The following ZBTB20 variants were observed in gnomAD, a reference collection of about 807,000 sequenced individuals.
The protein encoded by ZBTB20 is zinc finger and BTB domain containing 20.
A neutral mutation model predicts 56.9 loss-of-function variants in ZBTB20; 9 were observed. The ratio of observed to expected loss-of-function variants is 0.16; its 90% CI spans 0.10 to 0.28. The LOEUF is 0.28. Ranked by LOEUF, ZBTB20 falls within the 10% of genes least tolerant of loss-of-function variation. The probability of loss-of-function intolerance (pLI) is 1.00; values close to 1 mark genes in which losing one functional copy is unlikely to be tolerated. For synonymous variants in ZBTB20, 417 were observed against 420.7 expected, an observed-to-expected ratio of 0.99 and a Z score of 0.11; for missense variants, 655 against 1,003.0, an observed-to-expected ratio of 0.65 and a Z score of 4.69.
intron 7 of ZBTB20, among the ~76,000 whole-genome samples, chr3:114,479,766 C>T (rs1158656569): frequency 6.6e-6 from 1 of 152,188 alleles, no homozygotes; most frequent in Admixed American, 6.5e-5. Flanking sequence ...GCATACAGGT[C>T]ATAATGGCAG....
intron 6 of ZBTB20, among the ~76,000 whole-genome samples, chr3:114,609,788 A>C (rs1336083737): frequency 3.9e-5 from 6 of 152,206 alleles, no homozygotes; most frequent in Non-Finnish European, 1.5e-5. Flanking sequence ...CCAGGATCAG[A>C]CAGCATCAGG....
At chr3:115,046,694 T>C (rs1347450880) in intron 2 of ZBTB20, among the ~76,000 whole-genome samples, 1 of 152,216 alleles carries the variant, frequency 6.6e-6, no homozygotes, top group African/African-American at 2.4e-5. Flanking sequence ...ATGTAGGTTA[T>C]GAAATAACTT....
At chr3:114,963,863 C>T (rs779490156) in intron 3 of ZBTB20, among the ~76,000 whole-genome samples, 27 of 152,184 alleles carry the variant, frequency 1.8e-4, no homozygotes, top group Admixed American at 6.5e-4. Flanking sequence ...AAACAAACAC[C>T]TTGGCCTCAA....
chr3:114,489,326 G>C (rs2042478553), intron 7 of ZBTB20, among the ~76,000 whole-genome samples: 1 of 152,100 alleles, frequency 6.6e-6, no homozygotes, highest in African/African-American at 2.4e-5. Flanking sequence ...TTTCCCCCAA[G>C]TTTGACACTT....
At chr3:114,518,151 G>A (rs2046233167) in intron 6 of ZBTB20, among the ~76,000 whole-genome samples, 1 of 152,126 alleles carries the variant, frequency 6.6e-6, no homozygotes, top group Admixed American at 6.5e-5. Flanking sequence ...TTTAGGGCTG[G>A]GGTATGGGTA....
At chr3:114,946,692 C>T (rs911998613) in intron 3 of ZBTB20, among the ~76,000 whole-genome samples, 4 of 145,462 alleles carry the variant, frequency 2.7e-5, no homozygotes, top group Non-Finnish European at 5.9e-5. Context: ...CATAGTACTA[C>T]GTCTTTTAAA....
intron 6 of ZBTB20, among the ~76,000 whole-genome samples, chr3:114,574,070 T>C (rs1170266500): frequency 6.6e-6 from 1 of 152,194 alleles, no homozygotes; most frequent in Non-Finnish European, 1.5e-5. Context: ...TTAGTTGTGT[T>C]ATTTTATAAA....
At chr3:114,686,452 A>G (rs562693501) in intron 6 of ZBTB20, among the ~76,000 whole-genome samples, 2 of 152,246 alleles carry the variant, frequency 1.3e-5, no homozygotes, top group East Asian at 3.9e-4. Flanking sequence ...CTTCAATCCA[A>G]TGCTTTTGTG....
intron 4 of ZBTB20, among the ~76,000 whole-genome samples, chr3:114,844,576 T>C (rs1392825932): frequency 8.0e-6 from 1 of 124,752 alleles, no homozygotes; most frequent in East Asian, 2.2e-4. Flanking sequence ...TGTGTAAACA[T>C]GTAGGCATGA....
intron 3 of ZBTB20, among the ~76,000 whole-genome samples, chr3:114,909,255 T>C (rs1354900803): frequency 6.6e-6 from 1 of 151,872 alleles, no homozygotes; most frequent in Non-Finnish European, 1.5e-5. Context: ...TGTTAGTTTT[T>C]AGCAAAGTTT....
At chr3:114,553,502 C>T (rs2050822120) in intron 6 of ZBTB20, among the ~76,000 whole-genome samples, 2 of 152,070 alleles carry the variant, frequency 1.3e-5, no homozygotes, top group Admixed American at 1.3e-4. Flanking sequence ...CTTTCCTTTT[C>T]TGATGCTATA....
chr3:115,037,337 T>C (rs534822598), intron 2 of ZBTB20, among the ~76,000 whole-genome samples: 6 of 152,026 alleles, frequency 3.9e-5, no homozygotes, highest in African/African-American at 1.2e-4. Context: ...CAAGCTAGAG[T>C]GCAGTGGTGC....
intron 5 of ZBTB20, among the ~76,000 whole-genome samples, chr3:114,739,733 G>T (rs2066440503): frequency 6.6e-6 from 1 of 152,212 alleles, no homozygotes; most frequent in Non-Finnish European, 1.5e-5. Flanking sequence ...TGTAGGAACT[G>T]ATATACAGTG....
intron 8 of ZBTB20, among the ~76,000 whole-genome samples, chr3:114,381,220 C>T (rs1004209264): frequency 6.6e-6 from 1 of 152,172 alleles, no homozygotes; most frequent in Non-Finnish European, 1.5e-5. Context: ...TACTCCAACT[C>T]TTTACTCATC....
chr3:114,752,906 A>G (rs2067676347), intron 5 of ZBTB20, among the ~76,000 whole-genome samples: 3 of 152,142 alleles, frequency 2.0e-5, no homozygotes, highest in Non-Finnish European at 2.9e-5. Flanking sequence ...ACTCAGTTCA[A>G]TGAAAAAACC....
rs1375496067 is a variant in ZBTB20, at chr3:115,032,730, T to C, written c.-507+38489A>G. On this transcript the variant is annotated intron_variant, in intron 2 of 11. Transcript: ENST00000675478. ...ACAAAGGGATAAAGTTAGAAATCAG[T>C]AACAAAATGAAAACAGTTAGGCAAC... Among the ~76,000 whole-genome samples, 3 of 150,510 alleles carry C rather than the reference T, an allele frequency of 2.0e-5. No homozygotes were observed. The East Asian group carries it at 5.8e-4, about 29-fold the overall frequency.
chr3:114,424,930 C>A (rs963021172), intron 7 of ZBTB20, among the ~76,000 whole-genome samples: 3 of 152,002 alleles, frequency 2.0e-5, no homozygotes, highest in Non-Finnish European at 4.4e-5. Context: ...TTCTTTCTTT[C>A]TTTTTTTAAA....
chr3:114,788,076 A>T (rs186548753), intron 5 of ZBTB20, among the ~76,000 whole-genome samples: 1 of 152,202 alleles, frequency 6.6e-6, no homozygotes, highest in Non-Finnish European at 1.5e-5. Flanking sequence ...CATATTTCAT[A>T]AAAATCTAAT....
chr3:114,392,524 C>G (rs1431507760), intron 7 of ZBTB20, among the ~76,000 whole-genome samples: 1 of 152,154 alleles, frequency 6.6e-6, no homozygotes, highest in East Asian at 1.9e-4. Context: ...GCTGTGTGTT[C>G]AGCTGGAGTT....
Sources: allele counts gnomAD v4.1 joint callset (sites outside exome capture counted in the v4.1 genomes callset), GRCh38; gene constraint gnomAD v4.1.1; transcripts MANE v1.5; gene names NCBI Gene and HGNC (gene_info 2026-07-23, HGNC 2026-07-21).